CLVS1: variants seen among roughly 807,000 people sequenced by gnomAD.
The protein encoded by CLVS1 is clavesin 1.
A neutral mutation model predicts 33.1 loss-of-function variants in CLVS1; 10 were observed. The observed-to-expected ratio is 0.30, with a 90% CI of 0.19 to 0.51. The LOEUF (loss-of-function observed/expected upper bound fraction) is 0.51. CLVS1 is among the 20% of genes least tolerant of loss of function. The probability of loss-of-function intolerance (pLI) is 0.97; values close to 1 mark genes in which losing one functional copy is unlikely to be tolerated. For synonymous variants in CLVS1, 163 were observed against 166.1 expected (o/e 0.98, Z 0.14); for missense variants, 343 against 433.4 (o/e 0.79, Z 1.85).
rs537096266 is a variant in CLVS1, at chr8:61,490,875, A to T, written c.978-8580A>T. ...CTACTTGAGGCTGAAGCAGGAGAATAGCTTGAACCTGGAAGGCAGAGGTTA... is the reference window on the plus strand; with the variant it reads ...CTACTTGAGGCTGAAGCAGGAGAATTGCTTGAACCTGGAAGGCAGAGGTTA... On this transcript the variant is annotated intron_variant, in intron 5 of 5. Transcript: ENST00000325897. 3.4e-5 allele frequency among the ~76,000 whole-genome samples: 5 copies of T among 148,546 alleles called. No individual in the cohort carries two copies. In the South Asian group the frequency reaches 1.1e-3, roughly 33 times the overall value.
intron 1 of CLVS1, among the ~76,000 whole-genome samples, chr8:61,294,474 A>G (rs1810116462): frequency 6.6e-6 from 1 of 152,144 alleles, no homozygotes; most frequent in African/African-American, 2.4e-5. Context: ...TTACCTGGAT[A>G]CAGCATAATT....
At chr8:61,414,060 G>A (rs1353570298) in intron 3 of CLVS1, among the ~76,000 whole-genome samples, 2 of 152,214 alleles carry the variant, frequency 1.3e-5, no homozygotes, top group Non-Finnish European at 2.9e-5. Flanking sequence ...TGAGTATGGT[G>A]TGTGCCCAAA....
chr8:61,438,902 G>T (rs994404530), intron 3 of CLVS1, among the ~76,000 whole-genome samples: 2 of 152,156 alleles, frequency 1.3e-5, no homozygotes, highest in African/African-American at 4.8e-5. Context: ...TGCATACTAA[G>T]TGACCAGTAA....
chr8:61,483,127 C>T (rs1586041557), intron 5 of CLVS1, among the ~76,000 whole-genome samples: 2 of 152,146 alleles, frequency 1.3e-5, no homozygotes, highest in East Asian at 3.9e-4. Flanking sequence ...CACAAAAGAT[C>T]CTTCAAAAAA....
intron 1 of CLVS1, among the ~76,000 whole-genome samples, chr8:61,091,915 A>C (rs1399833567): frequency 6.6e-6 from 1 of 152,202 alleles, no homozygotes; most frequent in Non-Finnish European, 1.5e-5. Context: ...GTTATTCAGG[A>C]CAAGTTTGGG....
intron 1 of CLVS1, among the ~76,000 whole-genome samples, chr8:61,091,495 G>C (rs1185311752): frequency 1.3e-5 from 2 of 152,202 alleles, no homozygotes; most frequent in African/African-American, 4.8e-5. Context: ...ACTTTAGCTA[G>C]AGCCATTGTG....
intron 2 of CLVS1, among the ~76,000 whole-genome samples, chr8:61,273,307 G>C (rs1326100080): frequency 6.6e-6 from 1 of 152,228 alleles, no homozygotes; most frequent in Non-Finnish European, 1.5e-5. Context: ...TTGCTCGGGG[G>C]TCAGGGTTCA....
At chr8:61,068,221 ATGTATGTG>A (rs1412697340) in intron 1 of CLVS1, among the ~76,000 whole-genome samples, 2 of 110,992 alleles carry the variant, frequency 1.8e-5, no homozygotes, top group African/African-American at 8.9e-5. Context: ...ATATATATGT[ATGTATGTG>A]TATATATATA....
At chr8:61,254,102 T>C (rs1809017215) in intron 2 of CLVS1, among the ~76,000 whole-genome samples, 2 of 152,250 alleles carry the variant, frequency 1.3e-5, no homozygotes, top group African/African-American at 2.4e-5. Flanking sequence ...GATTTTGGTG[T>C]GGATGTCCTT....
intron 2 of CLVS1, among the ~76,000 whole-genome samples, chr8:61,269,369 C>T (rs1006385325): frequency 2.0e-5 from 3 of 151,992 alleles, no homozygotes; most frequent in Admixed American, 6.6e-5. Context: ...CTGTTCCATT[C>T]GTCTATATCT....
At chr8:61,157,979 T>C (rs1223470241) in intron 2 of CLVS1, among the ~76,000 whole-genome samples, 2 of 152,288 alleles carry the variant, frequency 1.3e-5, no homozygotes, top group African/African-American at 4.8e-5. Context: ...CTATGACCTA[T>C]GTATTTATCC....
At chr8:61,277,077 G>A (rs1809573225) in intron 2 of CLVS1, among the ~76,000 whole-genome samples, 1 of 152,042 alleles carries the variant, frequency 6.6e-6, no homozygotes, top group Admixed American at 6.5e-5. Flanking sequence ...AGTCTGATTG[G>A]AGTCAAGTCT....
chr8:61,084,110 A>G (rs979963177), intron 1 of CLVS1, among the ~76,000 whole-genome samples: 1 of 152,250 alleles, frequency 6.6e-6, no homozygotes, highest in Non-Finnish European at 1.5e-5. Flanking sequence ...AAGATTGAGA[A>G]TTCAATACCA....
chr8:61,255,835 T>C (rs1809067678), intron 2 of CLVS1, among the ~76,000 whole-genome samples: 1 of 152,222 alleles, frequency 6.6e-6, no homozygotes, highest in African/African-American at 2.4e-5. Flanking sequence ...ATGTATACTT[T>C]TGAAATCAAA....
At chr8:61,466,740 C>T (rs140790150) in intron 5 of CLVS1, among the ~76,000 whole-genome samples, 10 of 152,092 alleles carry the variant, frequency 6.6e-5, no homozygotes, top group Admixed American at 1.3e-4. Context: ...CTCCACCTCC[C>T]GGGTTCAAGT....
At chr8:60,971,306 T>C in the CLVS1 span, among the ~76,000 whole-genome samples, 1 of 152,206 alleles carries the variant, frequency 6.6e-6, no homozygotes, top group African/African-American at 2.4e-5. Flanking sequence ...CTGGAGCTCC[T>C]GGGCTCAAGC....
At chr8:61,223,201 T>C (rs1176754610) in intron 2 of CLVS1, among the ~76,000 whole-genome samples, 1 of 152,208 alleles carries the variant, frequency 6.6e-6, no homozygotes, top group Non-Finnish European at 1.5e-5. Context: ...CTGTTATGTA[T>C]GAATTTGATC....
rs956740739 is a variant in CLVS1 at position 61,281,369 on chromosome 8, T to C, written c.-151-18308T>C. Among the ~76,000 whole-genome samples, 8 of 152,142 alleles carry C rather than the reference T, an allele frequency of 5.3e-5. No homozygotes were observed. The South Asian group carries it at 6.2e-4, about 12-fold the overall frequency. On this transcript the variant is annotated intron_variant, in intron 2 of 2. Transcript: ENST00000522621. ...GGGGCCTCTAAGGAAGTAATTAAGG[T>C]TAAATGAGGTCATAAGGGTGGGGCC...
intron 5 of CLVS1, among the ~76,000 whole-genome samples, chr8:61,497,209 G>C (rs1026632069): frequency 6.6e-6 from 1 of 152,164 alleles, no homozygotes; most frequent in Non-Finnish European, 1.5e-5. Flanking sequence ...ACACAGAAAA[G>C]TTGTTAAGAC....
Sources: gnomAD v4.1 joint callset for allele counts (sites outside exome capture counted in the v4.1 genomes callset) on GRCh38, gnomAD v4.1.1 for gene constraint, MANE v1.5 for transcripts, NCBI Gene and HGNC (gene_info 2026-07-23, HGNC 2026-07-21) for gene names.